ME2: variants seen among roughly 807,000 people sequenced by gnomAD.
The protein encoded by ME2 is NAD-dependent malic enzyme, mitochondrial.
A neutral mutation model predicts 73.7 loss-of-function variants in ME2; 60 were observed. That is an observed-to-expected ratio of 0.81 (90% CI 0.66 to 1.01). The LOEUF (loss-of-function observed/expected upper bound fraction) is 1.01. Among genes scored for constraint, ME2 ranks in the 50% least tolerant of loss-of-function variants. ME2 has a pLI of 0.00. For synonymous variants in ME2, 199 were observed against 236.9 expected (o/e 0.84, Z 1.47); for missense variants, 594 against 705.5 (o/e 0.84, Z 1.79).
At chr18:50,920,418 A>G (rs779443827) in intron 7 of ME2, 38 bp from the exon 8 acceptor site, 2 of 1,354,430 alleles carry the variant, frequency 1.5e-6, no homozygotes, top group South Asian at 2.5e-5. Context: ...TAATAGTGTT[A>G]TTTTCAACAC....
intron 1 of ME2, among the ~76,000 whole-genome samples, chr18:50,887,597 T>C (rs1916502439): frequency 6.6e-6 from 1 of 152,210 alleles, no homozygotes; most frequent in Non-Finnish European, 1.5e-5. Flanking sequence ...ATAAGTAGAA[T>C]CCTAAACCTC....
chr18:50,899,909 G>A (rs1247230773), intron 2 of ME2, among the ~76,000 whole-genome samples: 1 of 152,170 alleles, frequency 6.6e-6, no homozygotes, highest in African/African-American at 2.4e-5. Context: ...ATGGATGAAT[G>A]CATAAACAGA....
At chr18:50,937,538 A>G (rs528942447) in intron 13 of ME2, among the ~76,000 whole-genome samples, 1 of 152,204 alleles carries the variant, frequency 6.6e-6, no homozygotes, top group Non-Finnish European at 1.5e-5. Context: ...TTTATTAAAG[A>G]TTTTCATAAA....
intron 12 of ME2, among the ~76,000 whole-genome samples, chr18:50,930,684 G>A (rs187791134): frequency 6.6e-6 from 1 of 152,140 alleles, no homozygotes; most frequent in African/African-American, 2.4e-5. Flanking sequence ...CTGATACCAT[G>A]AGAACATTTT....
At chr18:50,907,228 C>T (rs535493616) in intron 2 of ME2, among the ~76,000 whole-genome samples, 3 of 152,318 alleles carry the variant, frequency 2.0e-5, no homozygotes, top group African/African-American at 7.2e-5. Flanking sequence ...TTAGAAGAAT[C>T]TCCAGCCCCT....
chr18:50,932,456 G>A, intron 13 of ME2, 96 bp downstream of exon 13: 3 of 830,412 alleles, frequency 3.6e-6, no homozygotes, highest in East Asian at 2.9e-5. Context: ...CTGAGCAACA[G>A]TATTACAGAA....
chr18:50,942,600 G>A, intron 15 of ME2: 1 of 242,550 alleles, frequency 4.1e-6, no homozygotes, highest in Non-Finnish European at 7.7e-6. Context: ...AAGTGTTTCA[G>A]TATAATTTTG....
intron 2 of ME2, among the ~76,000 whole-genome samples, chr18:50,900,270 T>TTTTATTTATTTA (rs201561556): frequency 1.5e-4 from 21 of 140,912 alleles, no homozygotes; most frequent in African/African-American, 3.2e-4. Context: ...GTAAGAATAA[T>TTTTATTTATTTA]TTTATTTATT....
chr18:50,879,989 G>C (rs1295312384), intron 1 of ME2, among the ~76,000 whole-genome samples: 1 of 152,144 alleles, frequency 6.6e-6, no homozygotes, highest in South Asian at 2.1e-4. Context: ...GGTGAGAAGC[G>C]TGATCAAATT....
In ME2 at chr18:50,895,809, G is replaced by T. The variant is rs189132911; in HGVS notation, c.-12G>T. On this transcript the variant is annotated splice_region_variant and 5_prime_UTR_variant, in exon 2 of 16. Transcript: ENST00000321341. ...GGTTTATTTGCTTTGTTTTTCTCAG[G>T]TGAAAGAAAAGATGTTGTCCCGGTT... 1.9e-3 allele frequency: 3,091 copies of T among 1,594,742 alleles called. 9 individuals are homozygous for T. The highest frequency in any genetic ancestry group is 2.4e-3 in the Admixed American group (145 of 59,842).
intron 12 of ME2, among the ~76,000 whole-genome samples, chr18:50,931,252 G>A (rs893742042): frequency 2.9e-4 from 44 of 152,176 alleles, no homozygotes; most frequent in African/African-American, 1.0e-3. Context: ...CAAGGCATCA[G>A]GCCATTTGTT....
At chr18:50,893,576 A>G (rs1224661476) in intron 1 of ME2, among the ~76,000 whole-genome samples, 1 of 152,234 alleles carries the variant, frequency 6.6e-6, no homozygotes, top group Non-Finnish European at 1.5e-5. Flanking sequence ...AAGTTTGTGT[A>G]GGCTCAGCTA....
At position 50,879,160 on chromosome 18, in the gene ME2, C is replaced by G. The variant is rs149312917; in HGVS notation, c.-161C>G. On this transcript the variant is annotated 5_prime_UTR_variant, in exon 1 of 16. Coordinates refer to ENST00000321341, the MANE Select transcript of ME2 (RefSeq NM_002396.5). ...GGCCGCCTCTGCGTGTGGGGCCGCC[C>G]GCGCCAGTGTGAGCCTGAGCTGACG... is the stretch of plus-strand genomic sequence containing the variant. 1 of 152,336 alleles carries G rather than the reference C, an allele frequency of 6.6e-6. No individual in the cohort carries two copies. The highest frequency in any genetic ancestry group is 2.1e-4 in the South Asian group (1 of 4,836). The allele number at this position is 152,336 out of a possible 1,614,324, so 9.4% of individuals were successfully genotyped here. A position where few individuals can be genotyped will look rare whatever the true frequency, so the allele number is the denominator to read the frequency against.
intron 1 of ME2, among the ~76,000 whole-genome samples, chr18:50,893,986 A>C (rs181968076): frequency 6.6e-6 from 1 of 152,312 alleles, no homozygotes; most frequent in East Asian, 1.9e-4. Flanking sequence ...TTTACAGTTT[A>C]ATTACATCTA....
At chr18:50,880,490 A>G (rs576763927) in intron 1 of ME2, among the ~76,000 whole-genome samples, 1 of 152,388 alleles carries the variant, frequency 6.6e-6, no homozygotes, top group South Asian at 2.1e-4. Flanking sequence ...AGTTGTTTTT[A>G]AAAACATACA....
chr18:50,922,390 C>G (rs1917449798), intron 10 of ME2, among the ~76,000 whole-genome samples: 1 of 152,194 alleles, frequency 6.6e-6, no homozygotes, highest in South Asian at 2.1e-4. Context: ...AACCAAGTAT[C>G]CTGACTGCGA....
intron 2 of ME2, among the ~76,000 whole-genome samples, chr18:50,896,642 G>A (rs906061523): frequency 6.6e-6 from 1 of 152,056 alleles, no homozygotes; most frequent in African/African-American, 2.4e-5. Flanking sequence ...TGAGTTTATT[G>A]CAATATATGA....
At chr18:50,880,707 C>T (rs1447605455) in intron 1 of ME2, among the ~76,000 whole-genome samples, 1 of 152,076 alleles carries the variant, frequency 6.6e-6, no homozygotes, top group South Asian at 2.1e-4. Flanking sequence ...CGTTAGCGAC[C>T]GCGCCTAGCT....
In ME2 at chr18:50,939,563, G is replaced by A. The variant is rs751230840; in HGVS notation, c.1418-7G>A. ...ACCATACTAGTAAACTTTAAAATGT[G>A]TTCTAGGTGTGGCTTTAGCTGTTAT... On this transcript the variant is annotated splice_region_variant and splice_polypyrimidine_tract_variant and intron_variant, in intron 13 of 15. Coordinates refer to ENST00000321341, the MANE Select transcript of ME2 (RefSeq NM_002396.5). 3 of 1,601,216 alleles carry A rather than the reference G, an allele frequency of 1.9e-6. No individual in the cohort carries two copies. Among genetic ancestry groups the A allele is most frequent in the Non-Finnish European group, 2.6e-6 (3 of 1,168,744 alleles).
Sources: allele counts gnomAD v4.1 joint callset (sites outside exome capture counted in the v4.1 genomes callset), GRCh38; gene constraint gnomAD v4.1.1; transcripts MANE v1.5; gene names NCBI Gene and HGNC (gene_info 2026-07-23, HGNC 2026-07-21).